Variants in GABARAPL1 observed in about 807,000 individuals in gnomAD.
GABARAPL1 encodes the protein GABA type A receptor associated protein like 1.
GABARAPL1 carries 4 observed loss-of-function variants against 14.5 expected under a neutral mutation model. The ratio of observed to expected loss-of-function variants is 0.28; its 90% CI spans 0.14 to 0.63. The LOEUF (loss-of-function observed/expected upper bound fraction) is 0.63. Ranked by LOEUF, GABARAPL1 falls within the 30% of genes least tolerant of loss-of-function variation. The pLI is 0.84. For synonymous variants in GABARAPL1, 47 were observed against 50.6 expected, an observed-to-expected ratio of 0.93 and a Z score of 0.30; for missense variants, 82 against 139.2, an observed-to-expected ratio of 0.59 and a Z score of 2.07.
Position 10,213,050 on chromosome 12 carries a change from G to T in GABARAPL1, c.-80G>T, listed in dbSNP as rs1031817983. ...GCAGCTATTCTGAGCACACCTTGAC[G>T]TCGGCTGAGGGAGCGGGACAGGGTC... On this transcript the variant is annotated 5_prime_UTR_variant, in exon 1 of 4. Coordinates refer to ENST00000266458, the MANE Select transcript of GABARAPL1 (RefSeq NM_031412.4). 47 of 850,438 alleles carry T rather than the reference G, an allele frequency of 5.5e-5. No individual in the cohort carries two copies. Among genetic ancestry groups the T allele is most frequent in the Non-Finnish European group, 8.6e-5 (44 of 511,038 alleles). The allele number at this position is 850,438 out of a possible 1,614,324, so 52.7% of individuals were successfully genotyped here.
At chr12:10,221,218 G>A (rs1302345475) in intron 3 of GABARAPL1, 1 of 975,214 alleles carries the variant, frequency 1.0e-6, no homozygotes, top group Non-Finnish European at 1.2e-6. Context: ...GTCTGTAAAT[G>A]GATTCATGTC....
At chr12:10,219,697 G>A (rs941065963) in intron 2 of GABARAPL1, among the ~76,000 whole-genome samples, 1 of 152,180 alleles carries the variant, frequency 6.6e-6, no homozygotes, top group Non-Finnish European at 1.5e-5. Flanking sequence ...CTACTCGGGA[G>A]GCTGAGGCAG....
At chr12:10,220,291 C>T (rs373897215) in intron 2 of GABARAPL1, 149 bp from the exon 3 acceptor site, 79 of 1,050,366 alleles carry the variant, frequency 7.5e-5, no homozygotes, top group African/African-American at 7.3e-4. Context: ...AGCTCCAGGC[C>T]GGTATTTGGC....
chr12:10,213,639 T>A, intron 1 of GABARAPL1: 1 of 345,448 alleles, frequency 2.9e-6, no homozygotes, highest in East Asian at 7.5e-5. Context: ...GCAAACCCAG[T>A]CGATTTCTGC....
chr12:10,218,029 A>G, intron 1 of GABARAPL1, 34 bp from the exon 2 acceptor site: 1 of 1,281,728 alleles, frequency 7.8e-7, no homozygotes, highest in South Asian at 1.2e-5. Flanking sequence ...TGCCTTCTGT[A>G]GTTTTCATTC....
At chr12:10,218,012 A>G (rs764659872) in intron 1 of GABARAPL1, 51 bp from the exon 2 acceptor site, 2 of 1,108,368 alleles carry the variant, frequency 1.8e-6, no homozygotes, top group African/African-American at 1.5e-5. Context: ...AAGGAAAAAT[A>G]CTAGATTGCC....
chr12:10,220,950 A>C, intron 3 of GABARAPL1: 1 of 1,277,522 alleles, frequency 7.8e-7, no homozygotes, highest in Non-Finnish European at 9.9e-7. Flanking sequence ...TCATTATTTT[A>C]CTCCCATTTA....
intron 3 of GABARAPL1, chr12:10,221,208 GTC>G: frequency 1.0e-6 from 1 of 975,824 alleles, no homozygotes; most frequent in Non-Finnish European, 1.2e-6. Context: ...TTAAGGCAAA[GTC>G]TGTAAATGGA....
At chr12:10,218,592 A>G (rs1366221344) in intron 2 of GABARAPL1, among the ~76,000 whole-genome samples, 3 of 152,078 alleles carry the variant, frequency 2.0e-5, no homozygotes, top group African/African-American at 7.2e-5. Flanking sequence ...AAGACTCAAT[A>G]GTTCTTTCCC....
chr12:10,218,251 G>A, intron 2 of GABARAPL1, 110 bp downstream of exon 2: 2 of 762,790 alleles, frequency 2.6e-6, no homozygotes, highest in South Asian at 1.4e-5. Flanking sequence ...TGAAGGAAGT[G>A]AGTGGGATGC....
chr12:10,217,597 G>T (rs1437200384), intron 1 of GABARAPL1, among the ~76,000 whole-genome samples: 1 of 152,200 alleles, frequency 6.6e-6, no homozygotes, highest in Non-Finnish European at 1.5e-5. Flanking sequence ...GCCAGGCGTT[G>T]TGGCATGTGC....
At position 10,213,067 on chromosome 12, in the gene GABARAPL1, G is replaced by C; in HGVS notation, c.-63G>C. 1.0e-6 allele frequency: 1 copy of C among 1,001,520 alleles called. No individual in the cohort carries two copies. 62.0% of individuals were successfully genotyped at this position (1,001,520 alleles called of 1,614,324 possible). A position where few individuals can be genotyped will look rare whatever the true frequency, so the allele number is the denominator to read the frequency against. On this transcript the variant is annotated 5_prime_UTR_variant, in exon 1 of 4. Coordinates refer to ENST00000266458, the MANE Select transcript of GABARAPL1 (RefSeq NM_031412.4). ...ACCTTGACGTCGGCTGAGGGAGCGGGACAGGGTCAGCGGCGAAGGAGGCAG... is the reference window on the plus strand; with the variant it reads ...ACCTTGACGTCGGCTGAGGGAGCGGCACAGGGTCAGCGGCGAAGGAGGCAG...
rs1262189700 is a variant in GABARAPL1, at chr12:10,222,748, TTA to T, written c.*901_*902del. ...AGGGGGCAAGTATGAAGTAAGGTAA[TTA>T]TATACTACTCTCATTCAGGATTCTT... is the stretch of plus-strand genomic sequence containing the variant. On this transcript the variant is annotated 3_prime_UTR_variant, in exon 4 of 4. Coordinates refer to ENST00000266458, the MANE Select transcript of GABARAPL1 (RefSeq NM_031412.4). The T allele has an allele frequency of 6.6e-6, 1 of 152,144 alleles. No homozygotes were observed. The highest frequency in any genetic ancestry group is 1.5e-5 in the Non-Finnish European group (1 of 68,040). 9.4% of individuals were successfully genotyped at this position (152,144 alleles called of 1,614,324 possible).
intron 1 of GABARAPL1, among the ~76,000 whole-genome samples, chr12:10,215,959 A>G (rs1476177296): frequency 6.6e-6 from 1 of 151,270 alleles, no homozygotes; most frequent in Non-Finnish European, 1.5e-5. Context: ...ACTCCCCCCC[A>G]AGTTAATTAT....
chr12:10,218,713 A>T (rs911481798), intron 2 of GABARAPL1, among the ~76,000 whole-genome samples: 1 of 151,466 alleles, frequency 6.6e-6, no homozygotes, highest in African/African-American at 2.4e-5. Flanking sequence ...TTAATTAATT[A>T]ATATTATTAT....
intron 1 of GABARAPL1, among the ~76,000 whole-genome samples, chr12:10,217,028 C>T (rs529031980): frequency 6.6e-6 from 1 of 152,132 alleles, no homozygotes; most frequent in Admixed American, 6.5e-5. Context: ...AAAATCCTAA[C>T]AATCGAAAGC....
At chr12:10,215,628 T>C in intron 1 of GABARAPL1, among the ~76,000 whole-genome samples, 1 of 152,000 alleles carries the variant, frequency 6.6e-6, no homozygotes, top group East Asian at 1.9e-4. Flanking sequence ...ACCCCTCCCT[T>C]CCCTCCAGGT....
intron 1 of GABARAPL1, chr12:10,213,670 T>G: frequency 2.9e-6 from 1 of 347,636 alleles, no homozygotes; most frequent in Non-Finnish European, 5.7e-6. Context: ...TCTCCTTTAA[T>G]GAAGTTGACT....
At chr12:10,215,577 A>G (rs1411236974) in intron 1 of GABARAPL1, among the ~76,000 whole-genome samples, 2 of 152,076 alleles carry the variant, frequency 1.3e-5, no homozygotes, top group African/African-American at 2.4e-5. Flanking sequence ...TGGGAAACCA[A>G]TATTTTAATG....
Sources: allele counts gnomAD v4.1 joint callset (sites outside exome capture counted in the v4.1 genomes callset), GRCh38; gene constraint gnomAD v4.1.1; transcripts MANE v1.5; gene names NCBI Gene and HGNC (gene_info 2026-07-23, HGNC 2026-07-21).